The following DLGAP1 variants were observed in gnomAD, a reference collection of about 807,000 sequenced individuals.
DLGAP1 encodes the protein DLG associated protein 1, also known as disks large-associated protein 1.
Under a neutral mutation model 90.8 loss-of-function variants are expected in DLGAP1, and 11 were observed. The observed-to-expected ratio is 0.12, with a 90% CI of 0.08 to 0.20. DLGAP1 has a LOEUF of 0.20. Among genes scored for constraint, DLGAP1 ranks in the 10% least tolerant of loss-of-function variants. The pLI is 1.00. For missense variants in DLGAP1, 1,050 were observed against 1,333.8 expected, an observed-to-expected ratio of 0.79 and a Z score of 3.31; for synonymous variants, 558 against 540.7, an observed-to-expected ratio of 1.03 and a Z score of -0.44.
chr18:3,541,549 G>A (rs1024739323), intron 9 of DLGAP1, among the ~76,000 whole-genome samples: 4 of 152,204 alleles, frequency 2.6e-5, no homozygotes, highest in African/African-American at 9.7e-5. Context: ...AAAGCTCCTG[G>A]GTTGACAAAG....
At chr18:3,629,535 G>A (rs1441601710) in intron 7 of DLGAP1, among the ~76,000 whole-genome samples, 3 of 151,964 alleles carry the variant, frequency 2.0e-5, no homozygotes, top group African/African-American at 2.4e-5. Context: ...AGCCGGGCGT[G>A]TTGGTGGGCG....
rs530129046 is a variant in DLGAP1 at position 4,075,883 on chromosome 18, A to AGTT, written c.-158-70685_-158-70683dup. Among the ~76,000 whole-genome samples the AGTT allele has an allele frequency of 1.4e-3, 210 of 152,248 alleles. 3 individuals carry two copies. In the South Asian group the frequency reaches 0.026, roughly 19 times the overall value. On this transcript the variant is annotated intron_variant, in intron 2 of 12. Coordinates refer to ENST00000315677, the MANE Select transcript of DLGAP1 (RefSeq NM_004746.4). The stretch of plus-strand genomic sequence containing the variant: ...GCTGATTATTTAAAGAAGAATCTAA[A>AGTT]GTTGTTGTTGTTGTTTTATCAGAAT...
chr18:4,302,977 T>C (rs1321827980), intron 1 of DLGAP1, among the ~76,000 whole-genome samples: 1 of 152,222 alleles, frequency 6.6e-6, no homozygotes, highest in Non-Finnish European at 1.5e-5. Context: ...TTTGTAGCTA[T>C]TGTAGATGGG....
intron 1 of DLGAP1, among the ~76,000 whole-genome samples, chr18:4,441,092 C>A (rs1016241059): frequency 2.6e-5 from 4 of 152,192 alleles, no homozygotes; most frequent in Non-Finnish European, 5.9e-5. Context: ...AAGTTCTTGT[C>A]TGAGCGGCAC....
At chr18:4,081,069 A>T (rs2075600523) in intron 2 of DLGAP1, among the ~76,000 whole-genome samples, 1 of 151,970 alleles carries the variant, frequency 6.6e-6, no homozygotes, top group South Asian at 2.1e-4. Flanking sequence ...TTGTATTTTT[A>T]GAAGAGATGG....
At chr18:3,915,435 A>G (rs1255130145) in intron 3 of DLGAP1, among the ~76,000 whole-genome samples, 1 of 152,160 alleles carries the variant, frequency 6.6e-6, no homozygotes, top group African/African-American at 2.4e-5. Flanking sequence ...AGTGCAGCTC[A>G]TGGAAGGAGG....
At chr18:4,003,831 G>A (rs2074247287) in intron 3 of DLGAP1, among the ~76,000 whole-genome samples, 1 of 152,198 alleles carries the variant, frequency 6.6e-6, no homozygotes, top group South Asian at 2.1e-4. Context: ...GTGTATTAAT[G>A]CTCTATATGA....
At chr18:4,259,054 C>A (rs954897813) in intron 1 of DLGAP1, among the ~76,000 whole-genome samples, 1 of 152,128 alleles carries the variant, frequency 6.6e-6, no homozygotes, top group Non-Finnish European at 1.5e-5. Context: ...TGAATATATT[C>A]GTTGTACATA....
intron 6 of DLGAP1, among the ~76,000 whole-genome samples, chr18:3,739,013 A>C (rs1477034868): frequency 2.0e-5 from 3 of 149,788 alleles, no homozygotes; most frequent in African/African-American, 7.4e-5. Flanking sequence ...CAGTCAAAAA[A>C]CACATGAAAA....
intron 1 of DLGAP1, among the ~76,000 whole-genome samples, chr18:4,333,983 A>G: frequency 6.6e-6 from 1 of 151,478 alleles, no homozygotes; most frequent in East Asian, 2.0e-4. Context: ...TCACGCCTGT[A>G]ATCCCAGCAC....
At chr18:3,747,806 C>T (rs1420706223) in intron 5 of DLGAP1, among the ~76,000 whole-genome samples, 1 of 152,168 alleles carries the variant, frequency 6.6e-6, no homozygotes, top group Non-Finnish European at 1.5e-5. Context: ...CCTGATAAAA[C>T]AATGCATACA....
At chr18:3,974,243 T>G (rs2073521895) in intron 3 of DLGAP1, among the ~76,000 whole-genome samples, 1 of 151,938 alleles carries the variant, frequency 6.6e-6, no homozygotes, top group Non-Finnish European at 1.5e-5. Context: ...CCTGGCTAAT[T>G]TTTTTGTATT....
chr18:4,186,272 T>C (rs1357619727), intron 1 of DLGAP1, among the ~76,000 whole-genome samples: 1 of 152,212 alleles, frequency 6.6e-6, no homozygotes, highest in African/African-American at 2.4e-5. Context: ...GCAGAAGCTG[T>C]TAAGTTTAAT....
intron 1 of DLGAP1, among the ~76,000 whole-genome samples, chr18:4,228,501 GT>G (rs2078237923): frequency 6.6e-6 from 1 of 152,018 alleles, no homozygotes; most frequent in African/African-American, 2.4e-5. Context: ...TCACGGCCAA[GT>G]GAGATTTATC....
chr18:4,306,033 T>TACACACACACACACACACACACAC (rs3041181), intron 1 of DLGAP1, among the ~76,000 whole-genome samples: 1 of 142,110 alleles, frequency 7.0e-6, no homozygotes, highest in African/African-American at 2.7e-5. Flanking sequence ...CACACACAAA[T>TACACACACACACACACACACACAC]ACACACACAC....
At chr18:3,843,759 T>C (rs1005218745) in intron 4 of DLGAP1, among the ~76,000 whole-genome samples, 3 of 152,062 alleles carry the variant, frequency 2.0e-5, no homozygotes, top group African/African-American at 7.3e-5. Flanking sequence ...TAAGTATAAA[T>C]AGGTAACATA....
At chr18:4,235,719 CTTTTT>C (rs1175101805) in intron 1 of DLGAP1, among the ~76,000 whole-genome samples, 5 of 80,268 alleles carry the variant, frequency 6.2e-5, no homozygotes, top group African/African-American at 2.5e-4. Flanking sequence ...ATTTCAATGT[CTTTTT>C]TTTTTTTTTT....
chr18:4,066,996 T>C (rs916531121), intron 2 of DLGAP1, among the ~76,000 whole-genome samples: 8 of 152,138 alleles, frequency 5.3e-5, no homozygotes, highest in Non-Finnish European at 1.0e-4. Flanking sequence ...TATGCAGCCA[T>C]ACAAAAGAAT....
intron 1 of DLGAP1, among the ~76,000 whole-genome samples, chr18:4,348,051 G>A (rs1301244928): frequency 5.9e-5 from 9 of 152,058 alleles, no homozygotes; most frequent in Admixed American, 3.3e-4. Context: ...GAAGGGGATG[G>A]GAAAGAATAG....
Sources: allele counts gnomAD v4.1 joint callset (sites outside exome capture counted in the v4.1 genomes callset), GRCh38; gene constraint gnomAD v4.1.1; transcripts MANE v1.5; gene names NCBI Gene and HGNC (gene_info 2026-07-23, HGNC 2026-07-21).